The following RBFOX1 variants were observed in gnomAD, a reference collection of about 807,000 sequenced individuals.
The protein encoded by RBFOX1 is RNA binding fox-1 homolog 1.
A neutral mutation model predicts 57.7 loss-of-function variants in RBFOX1; 8 were observed. That is an observed-to-expected ratio of 0.14 (90% CI 0.08 to 0.25). RBFOX1 has a LOEUF of 0.25. Among genes scored for constraint, RBFOX1 ranks in the 10% least tolerant of loss-of-function variants. RBFOX1 has a pLI of 1.00. For synonymous variants in RBFOX1, 326 were observed against 222.4 expected (o/e 1.47, Z -4.15); for missense variants, 611 against 548.5 (o/e 1.11, Z -1.14).
chr16:5,251,035 C>G lies in RBFOX1; in HGVS notation c.219+10930C>G, dbSNP rs542399564. 3.3e-5 allele frequency among the ~76,000 whole-genome samples: 5 copies of G among 152,350 alleles called. No homozygotes were observed. In the South Asian group the frequency reaches 1.0e-3, roughly 32 times the overall value. On this transcript the variant is annotated intron_variant, in intron 1 of 2. Transcript: ENST00000585867. ...TGCAGATGATGGCACGACCGCCCCT[C>G]TTTCTTTTATTCACACTAATCTGCA... is the stretch of plus-strand genomic sequence containing the variant.
chr16:6,115,125 C>A (rs9927421), intron 1 of RBFOX1, among the ~76,000 whole-genome samples: 47,175 of 151,988 alleles, frequency 0.31, 10,408 homozygotes, highest in African/African-American at 0.61. Context: ...GCTAACGAGC[C>A]GTGAGGGTAT....
At chr16:6,910,851 C>A (rs538082819) in intron 3 of RBFOX1, among the ~76,000 whole-genome samples, 3 of 152,270 alleles carry the variant, frequency 2.0e-5, no homozygotes, top group Non-Finnish European at 2.9e-5. Context: ...CAGAAGAATG[C>A]CTCCATTTCA....
chr16:7,469,309 G>C (rs773063784), intron 4 of RBFOX1, among the ~76,000 whole-genome samples: 3 of 151,840 alleles, frequency 2.0e-5, no homozygotes, highest in Non-Finnish European at 4.4e-5. Context: ...TGATCTGCCC[G>C]CCTCGGCCTC....
intron 4 of RBFOX1, among the ~76,000 whole-genome samples, chr16:5,913,692 A>G (rs994432289): frequency 6.6e-6 from 1 of 152,232 alleles, no homozygotes; most frequent in African/African-American, 2.4e-5. Context: ...ACAGGCTAAC[A>G]CAGGTGTATC....
chr16:5,506,960 G>A (rs959121816), intron 2 of RBFOX1, among the ~76,000 whole-genome samples: 9 of 151,790 alleles, frequency 5.9e-5, no homozygotes, highest in Admixed American at 1.3e-4. Flanking sequence ...CAAAAGCCCC[G>A]TCTCAGAGAC....
Position 7,103,001 on chromosome 16 carries a change from A to C in RBFOX1, c.27+50903A>C, listed in dbSNP as rs1323100821. On this transcript the variant is annotated intron_variant, in intron 4 of 15. Transcript: ENST00000550418. ...GCTGTGTGTACAGACACACACACAC[A>C]CATTTAGACACACACACGTCTATTT... is the stretch of plus-strand genomic sequence containing the variant. Among the ~76,000 whole-genome samples, 8 of 151,970 alleles carry C rather than the reference A, an allele frequency of 5.3e-5. No homozygotes were observed. The South Asian group carries it at 8.3e-4, about 16-fold the overall frequency.
At chr16:7,669,940 C>G (rs1480362953) in intron 13 of RBFOX1, among the ~76,000 whole-genome samples, 1 of 152,118 alleles carries the variant, frequency 6.6e-6, no homozygotes, top group Non-Finnish European at 1.5e-5. Flanking sequence ...ATGGGAGAGA[C>G]AAGATGTTGA....
At chr16:6,649,189 C>T (rs1287651203) in intron 2 of RBFOX1, among the ~76,000 whole-genome samples, 1 of 152,126 alleles carries the variant, frequency 6.6e-6, no homozygotes, top group African/African-American at 2.4e-5. Flanking sequence ...TTGTTTCATG[C>T]AGTATTTGTC....
At chr16:6,553,277 G>A (rs147413621) in intron 2 of RBFOX1, among the ~76,000 whole-genome samples, 77 of 152,200 alleles carry the variant, frequency 5.1e-4, no homozygotes, top group Admixed American at 8.5e-4. Context: ...AGTTGCCACC[G>A]ATTTAGAGCA....
rs74005146 is a variant in RBFOX1 at position 6,129,513 on chromosome 16, T to C, written c.-127+109521T>C. 1.9e-3 allele frequency among the ~76,000 whole-genome samples: 294 copies of C among 151,628 alleles called. 4 individuals are homozygous for C. The highest frequency in any genetic ancestry group is 6.3e-3 in the African/African-American group (261 of 41,336). The stretch of plus-strand genomic sequence containing the variant: ...AACAAAGGTAGTAAAATAAACAGAG[T>C]CAGAGATCTGTGGGAGAGTATCAAG... On this transcript the variant is annotated intron_variant, in intron 1 of 15. Coordinates refer to ENST00000550418, the MANE Select transcript of RBFOX1 (RefSeq NM_018723.4).
intron 3 of RBFOX1, among the ~76,000 whole-genome samples, chr16:6,799,736 C>T (rs945766954): frequency 6.6e-6 from 1 of 152,092 alleles, no homozygotes; most frequent in East Asian, 1.9e-4. Context: ...ATACTTCTTG[C>T]CCTTGACCAT....
chr16:5,855,919 T>C (rs2057014794), intron 3 of RBFOX1, among the ~76,000 whole-genome samples: 1 of 149,270 alleles, frequency 6.7e-6, no homozygotes, highest in African/African-American at 2.4e-5. Context: ...TGTTTGTTAA[T>C]GTTTAATGTA....
chr16:7,391,866 T>A (rs939850713), intron 4 of RBFOX1, among the ~76,000 whole-genome samples: 9 of 152,170 alleles, frequency 5.9e-5, no homozygotes, highest in Admixed American at 5.9e-4. Context: ...AGACACTGAT[T>A]CTTTTACGTA....
At chr16:6,626,712 A>T (rs1041096434) in intron 2 of RBFOX1, among the ~76,000 whole-genome samples, 1 of 152,142 alleles carries the variant, frequency 6.6e-6, no homozygotes, top group Non-Finnish European at 1.5e-5. Flanking sequence ...GTGAGCCAAG[A>T]TTGCACCACA....
At chr16:6,483,849 A>C in intron 2 of RBFOX1, 1 of 1,201,696 alleles carries the variant, frequency 8.3e-7, no homozygotes, top group Non-Finnish European at 1.0e-6. Flanking sequence ...CCGTGGATGG[A>C]ATCCGGGAAA....
intron 2 of RBFOX1, among the ~76,000 whole-genome samples, chr16:6,395,282 C>A (rs1462976319): frequency 6.6e-6 from 1 of 152,116 alleles, no homozygotes; most frequent in East Asian, 1.9e-4. Flanking sequence ...GTGGAAAATG[C>A]CAACAAAGTC....
chr16:7,414,185 C>A (rs942118839), intron 4 of RBFOX1, among the ~76,000 whole-genome samples: 1 of 152,222 alleles, frequency 6.6e-6, no homozygotes, highest in Non-Finnish European at 1.5e-5. Context: ...TTCACATACA[C>A]TTCCATGCAC....
At chr16:7,007,888 C>G (rs1007372731) in intron 3 of RBFOX1, among the ~76,000 whole-genome samples, 2 of 152,172 alleles carry the variant, frequency 1.3e-5, no homozygotes, top group Admixed American at 6.5e-5. Context: ...TTGTAAGAAC[C>G]TTCATGCTGT....
intron 4 of RBFOX1, among the ~76,000 whole-genome samples, chr16:7,220,293 C>G (rs1375475262): frequency 1.3e-5 from 2 of 152,172 alleles, no homozygotes; most frequent in African/African-American, 2.4e-5. Context: ...TTTCCTGGCT[C>G]TGACATTTCA....
Sources: allele counts gnomAD v4.1 joint callset (sites outside exome capture counted in the v4.1 genomes callset), GRCh38; gene constraint gnomAD v4.1.1; transcripts MANE v1.5; gene names NCBI Gene and HGNC (gene_info 2026-07-23, HGNC 2026-07-21).